SEMA3G: variants seen among roughly 807,000 people sequenced by gnomAD.
SEMA3G encodes the protein semaphorin 3G, also known as semaphorin-3G.
In SEMA3G, 70 loss-of-function variants were observed where a neutral mutation model predicts 86.2. The ratio of observed to expected loss-of-function variants is 0.81; its 90% CI spans 0.67 to 0.99. The LOEUF is 0.99. Among genes scored for constraint, SEMA3G ranks in the 50% least tolerant of loss-of-function variants. The probability of loss-of-function intolerance (pLI) is 0.00; values close to 1 mark genes in which losing one functional copy is unlikely to be tolerated. For missense variants in SEMA3G, 1,002 were observed against 1,072.4 expected (o/e 0.93, Z 0.92); for synonymous variants, 416 against 441.4 (o/e 0.94, Z 0.72).
In SEMA3G at chr3:52,443,689, T is replaced by C. The variant is rs113068808; in HGVS notation, c.116-782A>G. 4.6e-3 allele frequency among the ~76,000 whole-genome samples: 702 copies of C among 152,186 alleles called. 6 individuals carry two copies. The highest frequency in any genetic ancestry group is 0.024 in the South Asian group (114 of 4,820). Reference sequence around the variant, plus strand: ...TTCCACCCCCAAAACTCATCAACGGTCTCTTCCGGGAAGCCCTCCATGGAT... The same window carrying C: ...TTCCACCCCCAAAACTCATCAACGGCCTCTTCCGGGAAGCCCTCCATGGAT... On this transcript the variant is annotated intron_variant, in intron 1 of 15. Coordinates refer to ENST00000231721, the MANE Select transcript of SEMA3G (RefSeq NM_020163.3).
At chr3:52,443,028 T>C in intron 1 of SEMA3G, 121 bp from the exon 2 acceptor site, 2 of 1,540,648 alleles carry the variant, frequency 1.3e-6, no homozygotes, top group Non-Finnish European at 8.7e-7. Context: ...CTGGAAAATG[T>C]TTCCATCCAC....
chr3:52,442,160 C>T lies in SEMA3G; in HGVS notation c.459+25G>A, dbSNP rs1706170914. 6 of 1,607,022 alleles carry T rather than the reference C, an allele frequency of 3.7e-6. No homozygotes were observed. The highest frequency in any genetic ancestry group is 1.1e-5 in the South Asian group (1 of 90,412). On this transcript the variant is annotated intron_variant, in intron 4 of 15. Transcript: ENST00000231721. The surrounding 1 kb of genome is among the most constrained non-coding windows in gnomAD (Gnocchi z 6.1). ...AGGAAATGTCACTGCCTCCCAGTCC[C>T]TTGTGGGGCCTGGCCCAGGCTCACC... is the stretch of plus-strand genomic sequence containing the variant.
chr3:52,437,757 A>G (rs1378352593), intron 14 of SEMA3G, 91 bp from the exon 15 acceptor site: 1 of 1,437,454 alleles, frequency 7.0e-7, no homozygotes, highest in Non-Finnish European at 9.5e-7. Context: ...GAGCCCCACT[A>G]GTATGACAAG....
chr3:52,438,540 G>A, intron 13 of SEMA3G: 1 of 985,442 alleles, frequency 1.0e-6, no homozygotes, highest in Non-Finnish European at 1.2e-6. Context: ...AGCAACCCTT[G>A]CACGAAAGTT....
rs141710411 is a variant in SEMA3G at position 52,436,059 on chromosome 3, C to G, written c.1893G>C (p.Glu631Asp). 8.1e-5 allele frequency: 131 copies of G among 1,608,744 alleles called. No homozygotes were observed. Among genetic ancestry groups the G allele is most frequent in the Non-Finnish European group, 1.1e-4 (127 of 1,176,784 alleles). The change falls in exon 16 of 16, where the codon GAG (glutamate) becomes GAC (aspartate). Residue 631 changes from glutamate to aspartate, a missense_variant. Coordinates refer to ENST00000231721, the MANE Select transcript of SEMA3G (RefSeq NM_020163.3). ...GCCCCCGCTCCGTGTGCAAGACTCGCTCGTCCGTCTTCACCTGCCATGCGG... is the reference window on the plus strand; with the variant it reads ...GCCCCCGCTCCGTGTGCAAGACTCGGTCGTCCGTCTTCACCTGCCATGCGG... The part of the protein sequence containing the change: ...DEGPDQVKTD[E>D]RVLHTERGLL...
intron 15 of SEMA3G, among the ~76,000 whole-genome samples, 195 bp downstream of exon 15, chr3:52,437,332 C>T (rs989911748): frequency 3.3e-5 from 5 of 152,224 alleles, no homozygotes; most frequent in African/African-American, 1.2e-4. Context: ...CCAGCCACAT[C>T]TGGCCTGGGC....
At position 52,433,102 on chromosome 3, in the gene SEMA3G, C is replaced by T. The variant is rs1705983564; in HGVS notation, c.*2501G>A. 1 of 152,120 alleles carries T rather than the reference C, an allele frequency of 6.6e-6. No individual in the cohort carries two copies. The highest frequency in any genetic ancestry group is 6.5e-5 in the Admixed American group (1 of 15,282). 9.4% of individuals were successfully genotyped at this position (152,120 alleles called of 1,614,324 possible). A position where few individuals can be genotyped will look rare whatever the true frequency, so the allele number is the denominator to read the frequency against. ...AGCAATCTCGGCTTTGTACAAAGCC[C>T]TCTAACTCCTTCCTTCCCCTGATAC... is the stretch of plus-strand genomic sequence containing the variant. On this transcript the variant is annotated 3_prime_UTR_variant, in exon 16 of 16. Transcript: ENST00000231721.
chr3:52,444,948 C>A lies in SEMA3G; in HGVS notation c.80G>T (p.Gly27Val). 7.7e-7 allele frequency: 1 copy of A among 1,303,440 alleles called. No homozygotes were observed. 80.7% of individuals were successfully genotyped at this position (1,303,440 alleles called of 1,614,324 possible). Residue 27 changes from glycine to valine, a missense_variant, in exon 1 of 16, where the codon GGC (glycine) becomes GTC (valine). By Grantham distance (109) the Gly-to-Val change is moderately radical (BLOSUM62 -3). Coordinates refer to ENST00000231721, the MANE Select transcript of SEMA3G (RefSeq NM_020163.3). ...LHGGSSGPSPGPSVPRLRLSY... is the reference protein window; with the variant it reads ...LHGGSSGPSPVPSVPRLRLSY... ...GAGCCGCAGGCGGGGCACACTGGGG[C>A]CGGGGCTGGGGCCAGAGCTACCCCC...
chr3:52,445,094 G>A lies in SEMA3G; in HGVS notation c.-67C>T. ...CGCCCTCTGGTCCCGCTGGCCGCCG[G>A]TTGTAGTTTGCTCTGCTGCCACCAG... is the stretch of plus-strand genomic sequence containing the variant. On this transcript the variant is annotated 5_prime_UTR_variant, in exon 1 of 16. Transcript: ENST00000231721. 8.0e-7 allele frequency: 1 copy of A among 1,250,774 alleles called. No individual in the cohort carries two copies. Among genetic ancestry groups the A allele is most frequent in the Non-Finnish European group, 1.0e-6 (1 of 994,806 alleles). The allele number at this position is 1,250,774 out of a possible 1,614,324, so 77.5% of individuals were successfully genotyped here.
In SEMA3G at chr3:52,437,645, G is replaced by T; in HGVS notation, c.1760C>A (p.Ala587Glu). The change falls in exon 15 of 16, where the codon GCA becomes GAA. Residue 587 changes from alanine to glutamate, a missense_variant. Coordinates refer to ENST00000231721, the MANE Select transcript of SEMA3G (RefSeq NM_020163.3). Reference sequence around the variant, plus strand: ...CTCCGTGCCGTAGACCATGGTGGCTGCCACAAGTCCCACTGCCTCTTCTGG... The same window carrying T: ...CTCCGTGCCGTAGACCATGGTGGCTTCCACAAGTCCCACTGCCTCTTCTGG... ...SQEEEAVGLV[A>E]ATMVYGTEHN... 1.9e-6 allele frequency: 3 copies of T among 1,611,902 alleles called. No individual in the cohort carries two copies. The highest frequency in any genetic ancestry group is 2.5e-6 in the Non-Finnish European group (3 of 1,179,102).
Position 52,440,081 on chromosome 3 carries a change from G to A in SEMA3G, c.1161C>T (p.Thr387=), listed in dbSNP as rs144336324. ...PRPGVCPSKM[T]AQPGRPFGST... Reference sequence around the variant, plus strand: ...TGCCAAAAGGCCGTCCTGGCTGTGCGGTCATCTTGCTGGGGCACTGTGGGC... The same window carrying A: ...TGCCAAAAGGCCGTCCTGGCTGTGCAGTCATCTTGCTGGGGCACTGTGGGC... The change falls in exon 11 of 16, where the codon ACC becomes ACT. Residue 387 remains threonine (T), a synonymous_variant. Coordinates refer to ENST00000231721, the MANE Select transcript of SEMA3G (RefSeq NM_020163.3). 1.5e-4 allele frequency: 231 copies of A among 1,585,594 alleles called. No individual in the cohort carries two copies. In the African/African-American group the frequency reaches 2.7e-3, roughly 18 times the overall value.
intron 13 of SEMA3G, 183 bp downstream of exon 13, chr3:52,438,737 C>T: frequency 3.0e-6 from 3 of 985,478 alleles, no homozygotes; most frequent in Non-Finnish European, 3.6e-6. Flanking sequence ...GGACATGGCC[C>T]CACTTACTCG....
Position 52,438,293 on chromosome 3 carries a change from A to G in SEMA3G, c.1510-94T>C, listed in dbSNP as rs1706087408. 33 of 1,423,616 alleles carry G rather than the reference A, an allele frequency of 2.3e-5. 1 individual carries two copies. In the South Asian group the frequency reaches 3.7e-4, roughly 16 times the overall value. 88.2% of individuals were successfully genotyped at this position (1,423,616 alleles called of 1,614,324 possible). ...CCCTCAGCTTCCTGAGACCCCTGCC[A>G]CTTGCAGGAAGTCTTCCAGAACCTC... On this transcript the variant is annotated intron_variant, in intron 13 of 15. Transcript: ENST00000231721.
At chr3:52,443,083 G>A (rs1250172844) in intron 1 of SEMA3G, 176 bp from the exon 2 acceptor site, 1 of 1,528,324 alleles carries the variant, frequency 6.5e-7, no homozygotes, top group Non-Finnish European at 8.8e-7. Flanking sequence ...GGGACAGGTG[G>A]GACGGGAGGC....
Position 52,435,232 on chromosome 3 carries a change from G to T in SEMA3G, c.*371C>A. On this transcript the variant is annotated 3_prime_UTR_variant, in exon 16 of 16. Transcript: ENST00000231721. ...AGACGCACCCACACACCCACTCTGAGGGTCACTCAGAATGGCCATTGTTCT... is the reference window on the plus strand; with the variant it reads ...AGACGCACCCACACACCCACTCTGATGGTCACTCAGAATGGCCATTGTTCT... 3.7e-6 allele frequency: 1 copy of T among 273,070 alleles called. No homozygotes were observed. The highest frequency in any genetic ancestry group is 7.1e-6 in the Non-Finnish European group (1 of 141,676). 16.9% of individuals were successfully genotyped at this position (273,070 alleles called of 1,614,324 possible).
rs148318432 is a variant in SEMA3G at position 52,441,267 on chromosome 3, G to A, written c.810C>T (p.Cys270=). 71 of 1,612,762 alleles carry A rather than the reference G, an allele frequency of 4.4e-5. No homozygotes were observed. Among genetic ancestry groups the A allele is most frequent in the Non-Finnish European group, 5.1e-5 (60 of 1,179,680 alleles). Reference sequence around the variant, plus strand: ...ACCACCCCTTCCCAGCTCTTACCACGCAGACGCGGCCCACGCGGCTGACAG... The same window carrying A: ...ACCACCCCTTCCCAGCTCTTACCACACAGACGCGGCCCACGCGGCTGACAG... The part of the protein sequence containing the change: ...HVTVSRVGRV[C]VNDAGGQRVL... Residue 270 remains cysteine (C), a synonymous_variant, in exon 7 of 16, where the codon TGC becomes TGT. Coordinates refer to ENST00000231721, the MANE Select transcript of SEMA3G (RefSeq NM_020163.3).
chr3:52,436,320 T>A (rs972543484), intron 15 of SEMA3G, among the ~76,000 whole-genome samples: 4 of 152,222 alleles, frequency 2.6e-5, no homozygotes, highest in South Asian at 4.1e-4. Context: ...ACTGGCTGGT[T>A]TCTCCCTTAG....
chr3:52,442,092 T>C lies in SEMA3G; in HGVS notation c.459+93A>G. The C allele has an allele frequency of 6.7e-7, 1 of 1,498,844 alleles. No homozygotes were observed. Among genetic ancestry groups the C allele is most frequent in the Non-Finnish European group, 9.0e-7 (1 of 1,114,518 alleles). 92.8% of individuals were successfully genotyped at this position (1,498,844 alleles called of 1,614,324 possible). A position where few individuals can be genotyped will look rare whatever the true frequency, so the allele number is the denominator to read the frequency against. ...AAGGCGCCTTTCAGGCCCCTGCCCC[T>C]CTGTCCCTACCCAGGCTCAATGGGA... is the stretch of plus-strand genomic sequence containing the variant. On this transcript the variant is annotated intron_variant, in intron 4 of 15. Transcript: ENST00000231721. The surrounding 1 kb of genome is among the most constrained non-coding windows in gnomAD (Gnocchi z 6.1).
chr3:52,441,981 G>A, intron 4 of SEMA3G, 72 bp from the exon 5 acceptor site: 2 of 1,363,050 alleles, frequency 1.5e-6, no homozygotes, highest in South Asian at 2.6e-5. Context: ...ACCCAAGCAG[G>A]AGCCCTCGCG....
Sources: gnomAD v4.1 joint callset for allele counts (sites outside exome capture counted in the v4.1 genomes callset) on GRCh38, gnomAD v4.1.1 for gene constraint, Gnocchi (gnomAD v3.1) non-coding constraint, MANE v1.5 for transcripts, NCBI Gene and HGNC (gene_info 2026-07-23, HGNC 2026-07-21) for gene names.